LHPP: variants seen among roughly 807,000 people sequenced by gnomAD.
LHPP encodes phospholysine phosphohistidine inorganic pyrophosphate phosphatase.
Under a neutral mutation model 30.3 loss-of-function variants are expected in LHPP, and 24 were observed. The observed-to-expected ratio is 0.79, with a 90% CI of 0.57 to 1.11. The LOEUF (loss-of-function observed/expected upper bound fraction) is 1.11, where lower values mean the gene tolerates loss of function less well. LHPP is among the 50% of genes most tolerant of loss of function. The pLI, the probability that LHPP is intolerant of heterozygous loss-of-function variation, is 0.00. For missense variants in LHPP, 356 were observed against 367.2 expected (o/e 0.97, Z 0.25); for synonymous variants, 150 against 157.1 (o/e 0.95, Z 0.34).
At chr10:124,483,217 G>A (rs1953198587) in intron 1 of LHPP, among the ~76,000 whole-genome samples, 1 of 152,214 alleles carries the variant, frequency 6.6e-6, no homozygotes, top group African/African-American at 2.4e-5. Context: ...TGGTGTCCCT[G>A]ATGACTTTGG....
rs57897143 is a variant in LHPP at position 124,567,370 on chromosome 10, C to T, written c.717-45894C>T. Among the ~76,000 whole-genome samples the T allele has an allele frequency of 5.3e-3, 810 of 152,370 alleles. 11 individuals carry two copies. The highest frequency in any genetic ancestry group is 0.018 in the African/African-American group (763 of 41,582). ...GACCAGGGCTGCGGGCATCATATCC[C>T]GCTCAGCCGCTGCCTGCCCTCCACG... On this transcript the variant is annotated intron_variant, in intron 6 of 6. Transcript: ENST00000368842.
chr10:124,607,931 C>T (rs1468724011), intron 6 of LHPP, among the ~76,000 whole-genome samples: 2 of 152,186 alleles, frequency 1.3e-5, no homozygotes, highest in Non-Finnish European at 2.9e-5. Flanking sequence ...AGCTCATCTC[C>T]CCAGACCCTA....
intron 2 of LHPP, among the ~76,000 whole-genome samples, chr10:124,486,183 C>T (rs75436915): frequency 0.038 from 5,749 of 152,244 alleles, 287 homozygotes; most frequent in African/African-American, 0.12. Context: ...TGCATGCACC[C>T]ATGGAACCCA....
intron 6 of LHPP, among the ~76,000 whole-genome samples, chr10:124,552,020 C>T (rs1948177846): frequency 6.6e-6 from 1 of 152,114 alleles, no homozygotes; most frequent in South Asian, 2.1e-4. Flanking sequence ...CTCCACCTGT[C>T]ACCTGTCTGT....
intron 5 of LHPP, among the ~76,000 whole-genome samples, chr10:124,515,604 C>T (rs1021699430): frequency 1.3e-5 from 2 of 152,178 alleles, no homozygotes; most frequent in Admixed American, 1.3e-4. Context: ...TAAAGAATTT[C>T]GAACTTTGTT....
chr10:124,469,168 G>A (rs918636023), intron 1 of LHPP, among the ~76,000 whole-genome samples: 5 of 152,098 alleles, frequency 3.3e-5, no homozygotes, highest in Non-Finnish European at 7.4e-5. Context: ...GAGACCAGCC[G>A]CCGCAGAGGG....
At chr10:124,469,603 G>GATGC (rs1952668567) in intron 1 of LHPP, among the ~76,000 whole-genome samples, 1 of 152,054 alleles carries the variant, frequency 6.6e-6, no homozygotes, top group Non-Finnish European at 1.5e-5. Context: ...CCTCATTAAA[G>GATGC]ATGCATGCAC....
chr10:124,587,738 T>TAAAAAAAAA (rs747954796), intron 6 of LHPP, among the ~76,000 whole-genome samples: 28 of 53,000 alleles, frequency 5.3e-4, no homozygotes, highest in South Asian at 7.7e-4. Context: ...AGACTCCATC[T>TAAAAAAAAA]AAAAAAAAAA....
chr10:124,517,006 A>C lies in LHPP; in HGVS notation c.625-174A>C, dbSNP rs941415862. ...GGCCTACGGGGGCAGTGTGAGATAT[A>C]TTCAAGGTGGGTTGACTTTTAATCA... On this transcript the variant is annotated intron_variant, in intron 5 of 6. Transcript: ENST00000368842. The surrounding 1 kb of genome is among the most constrained non-coding windows in gnomAD (Gnocchi z 4.1). 2.0e-5 allele frequency among the ~76,000 whole-genome samples: 3 copies of C among 152,194 alleles called. No individual in the cohort carries two copies. Among genetic ancestry groups the C allele is most frequent in the African/African-American group, 7.2e-5 (3 of 41,432 alleles).
At chr10:124,589,926 C>T (rs1004609145) in intron 6 of LHPP, among the ~76,000 whole-genome samples, 5 of 152,182 alleles carry the variant, frequency 3.3e-5, no homozygotes, top group Admixed American at 6.5e-5. Flanking sequence ...TTCGGGCTGG[C>T]GGGGCTCGGG....
chr10:124,538,376 C>T (rs1955092547), intron 6 of LHPP, among the ~76,000 whole-genome samples: 1 of 152,182 alleles, frequency 6.6e-6, no homozygotes, highest in Non-Finnish European at 1.5e-5. Context: ...TTCTCTCAGC[C>T]CTTTGGGATG....
intron 5 of LHPP, among the ~76,000 whole-genome samples, chr10:124,512,870 G>T (rs905142776): frequency 6.6e-6 from 1 of 152,066 alleles, no homozygotes; most frequent in East Asian, 1.9e-4. Context: ...CCCTCTTTCT[G>T]TGGTCCCCTT....
At chr10:124,611,874 G>T (rs748402079) in intron 6 of LHPP, among the ~76,000 whole-genome samples, 1 of 152,238 alleles carries the variant, frequency 6.6e-6, no homozygotes, top group Non-Finnish European at 1.5e-5. Flanking sequence ...GGGCGCTGCT[G>T]CCGGGAGACT....
intron 6 of LHPP, among the ~76,000 whole-genome samples, chr10:124,570,115 G>A (rs1031236166): frequency 2.6e-5 from 4 of 152,202 alleles, no homozygotes; most frequent in East Asian, 1.9e-4. Flanking sequence ...AGGCAGATCT[G>A]GCCAGTCCCT....
chr10:124,533,574 A>G (rs979825340), intron 6 of LHPP, among the ~76,000 whole-genome samples: 37 of 152,222 alleles, frequency 2.4e-4, no homozygotes, highest in African/African-American at 8.2e-4. Context: ...TTTCATTTAA[A>G]TAAGTAAAGG....
At chr10:124,564,824 T>A (rs1948463609) in intron 6 of LHPP, among the ~76,000 whole-genome samples, 1 of 152,234 alleles carries the variant, frequency 6.6e-6, no homozygotes, top group Admixed American at 6.5e-5. Context: ...ATGGAAAAGT[T>A]ATACCATATA....
chr10:124,585,831 C>T (rs775685062), intron 6 of LHPP, among the ~76,000 whole-genome samples: 12 of 151,950 alleles, frequency 7.9e-5, no homozygotes, highest in Admixed American at 2.6e-4. Context: ...TCTGTCCAGG[C>T]TGGAGTGCAG....
rs1309118030 is a variant in LHPP at position 124,478,761 on chromosome 10, C to A, written c.126-5378C>A. Among the ~76,000 whole-genome samples the A allele has an allele frequency of 6.6e-6, 1 of 152,132 alleles. No individual in the cohort carries two copies. Among genetic ancestry groups the A allele is most frequent in the Non-Finnish European group, 1.5e-5 (1 of 68,020 alleles). On this transcript the variant is annotated intron_variant, in intron 1 of 6. Coordinates refer to ENST00000368842, the MANE Select transcript of LHPP (RefSeq NM_022126.4). This position sits in a 1 kb window ranked among gnomAD's most constrained non-coding sequence, Gnocchi z 4.7. ...TGAGGTAAAGGTCAGTTCAAAGATC[C>A]AGTTTGGGCCAGGCGCGGTGGCTCA...
Position 124,510,222 on chromosome 10 carries a change from A to G in LHPP, c.625-6958A>G, listed in dbSNP as rs565249211. 2.6e-4 allele frequency among the ~76,000 whole-genome samples: 40 copies of G among 152,300 alleles called. No individual in the cohort carries two copies. The highest frequency in any genetic ancestry group is 9.4e-4 in the African/African-American group (39 of 41,566). ...ACCTCCTGACCTCTATCTTCTTGCC[A>G]GTGATTTTTTAAATCCTAAATGATT... On this transcript the variant is annotated intron_variant, in intron 5 of 6. Coordinates refer to ENST00000368842, the MANE Select transcript of LHPP (RefSeq NM_022126.4). The surrounding 1 kb of genome is among the most constrained non-coding windows in gnomAD (Gnocchi z 4.0).
Sources: allele counts gnomAD v4.1 joint callset (sites outside exome capture counted in the v4.1 genomes callset), GRCh38; gene constraint gnomAD v4.1.1; non-coding constraint Gnocchi (gnomAD v3.1); transcripts MANE v1.5; gene names NCBI Gene and HGNC (gene_info 2026-07-23, HGNC 2026-07-21).